The following OR1F1 variants were observed in gnomAD, a reference collection of about 807,000 sequenced individuals.
The protein encoded by OR1F1 is olfactory receptor 1F1.
For missense variants in OR1F1, 493 were observed against 376.3 expected, an observed-to-expected ratio of 1.31 and a Z score of -2.57; for synonymous variants, 184 against 156.7, an observed-to-expected ratio of 1.17 and a Z score of -1.30.
chr16:3,202,660 A>AAATAATAATAATAAT, upstream of OR1F1, among the ~76,000 whole-genome samples: 1 of 141,834 alleles, frequency 7.1e-6, no homozygotes, highest in Non-Finnish European at 1.5e-5. Flanking sequence ...TTCCATCTCA[A>AAATAATAATAATAAT]AATAATAATA....
chr16:3,202,225 G>A (rs1270411196), upstream of OR1F1, among the ~76,000 whole-genome samples: 2 of 152,330 alleles, frequency 1.3e-5, no homozygotes, highest in Admixed American at 1.3e-4. Flanking sequence ...TGAATTTGGA[G>A]CCACTGTTGG....
At chr16:3,199,902 G>A (rs1317343613), upstream of OR1F1, among the ~76,000 whole-genome samples, 3 of 151,694 alleles carry the variant, frequency 2.0e-5, no homozygotes, top group East Asian at 5.9e-4. Flanking sequence ...GGCAATCCCA[G>A]CTACTCGGGA....
At chr16:3,205,212 C>T (rs1394515660), downstream of OR1F1, 8 of 1,525,184 alleles carry the variant, frequency 5.2e-6, no homozygotes, top group Non-Finnish European at 7.2e-6. Flanking sequence ...GAATCTCATT[C>T]CCAAGGAAAT....
the OR1F1 span, among the ~76,000 whole-genome samples, chr16:3,192,043 C>CT: frequency 2.0e-5 from 3 of 152,210 alleles, no homozygotes; most frequent in East Asian, 5.8e-4. Flanking sequence ...GTCCCGGGTT[C>CT]AAATCCCGGA....
At chr16:3,196,223 G>A in the OR1F1 span, among the ~76,000 whole-genome samples, 2 of 152,212 alleles carry the variant, frequency 1.3e-5, no homozygotes, top group Non-Finnish European at 2.9e-5. Context: ...CCTGTGTTGA[G>A]CACATGTTTC....
upstream of OR1F1, among the ~76,000 whole-genome samples, chr16:3,199,710 A>G (rs1958114258): frequency 6.6e-6 from 1 of 152,182 alleles, no homozygotes; most frequent in Admixed American, 6.5e-5. Flanking sequence ...TTGCAAAAGA[A>G]AAAGGATATT....
the OR1F1 span, among the ~76,000 whole-genome samples, chr16:3,195,818 T>G: frequency 1.3e-5 from 2 of 152,280 alleles, no homozygotes; most frequent in East Asian, 3.9e-4. Context: ...CAATACATAT[T>G]TGAGAGCATG....
chr16:3,201,714 G>A (rs1253034494), upstream of OR1F1, among the ~76,000 whole-genome samples: 1 of 152,116 alleles, frequency 6.6e-6, no homozygotes, highest in Non-Finnish European at 1.5e-5. Context: ...AGTTGAGGTA[G>A]GAAGCAGGGC....
At chr16:3,205,051 G>C (rs771791553) in exon 1 of OR1F1, 12 of 1,613,944 alleles carry the variant, frequency 7.4e-6, no homozygotes, top group African/African-American at 1.3e-5. Context: ...CCACTCAGCT[G>C]AGAAAGACAC....
the OR1F1 span, among the ~76,000 whole-genome samples, chr16:3,190,191 C>T: frequency 6.6e-6 from 1 of 152,158 alleles, no homozygotes; most frequent in African/African-American, 2.4e-5. Context: ...CCAGAGACCT[C>T]TCCCTCCCCA....
exon 1 of OR1F1, chr16:3,205,151 A>G: frequency 6.2e-7 from 1 of 1,612,008 alleles, no homozygotes. Flanking sequence ...GGGGCTCTGA[A>G]AAAAGTAGTT....
the OR1F1 span, among the ~76,000 whole-genome samples, chr16:3,197,011 G>C: frequency 6.6e-6 from 1 of 152,068 alleles, no homozygotes; most frequent in African/African-American, 2.4e-5. Context: ...CAAGTAGCTG[G>C]GATTACAGGA....
upstream of OR1F1, among the ~76,000 whole-genome samples, chr16:3,201,727 G>A (rs754885719): frequency 5.3e-5 from 8 of 152,190 alleles, no homozygotes; most frequent in South Asian, 4.1e-4. Flanking sequence ...AGCAGGGCTC[G>A]GACACTGGAC....
exon 1 of OR1F1, chr16:3,204,626 G>A (rs1958179941): frequency 1.2e-6 from 2 of 1,614,112 alleles, no homozygotes; most frequent in South Asian, 2.2e-5. Flanking sequence ...GTCGCCGTGT[G>A]CCACCCCTTA....
At chr16:3,195,855 C>T in the OR1F1 span, among the ~76,000 whole-genome samples, 3 of 152,262 alleles carry the variant, frequency 2.0e-5, no homozygotes, top group South Asian at 6.2e-4. Flanking sequence ...AATGTGGCCC[C>T]CAGTACATCT....
At chr16:3,190,893 A>G in the OR1F1 span, among the ~76,000 whole-genome samples, 45 of 152,348 alleles carry the variant, frequency 3.0e-4, no homozygotes, top group African/African-American at 1.1e-3. Flanking sequence ...GAAAGGCAAT[A>G]AAGAAAATAT....
chr16:3,190,839 T>C, the OR1F1 span, among the ~76,000 whole-genome samples: 1,280 of 152,040 alleles, frequency 8.4e-3, 25 homozygotes, highest in African/African-American at 0.03. Flanking sequence ...TGCAAACATT[T>C]TGGATGCAGA....
At chr16:3,205,587 G>A (rs1567207690), downstream of OR1F1, among the ~76,000 whole-genome samples, 1 of 152,028 alleles carries the variant, frequency 6.6e-6, no homozygotes, top group Non-Finnish European at 1.5e-5. Flanking sequence ...AGCTGTGTCA[G>A]AGGAACATAA....
chr16:3,191,575 C>G, the OR1F1 span, among the ~76,000 whole-genome samples: 1 of 150,990 alleles, frequency 6.6e-6, no homozygotes, highest in African/African-American at 2.4e-5. Context: ...CGTTGGGCGA[C>G]TTGTTTTCTT....
Sources: gnomAD v4.1 joint callset for allele counts (sites outside exome capture counted in the v4.1 genomes callset) on GRCh38, gnomAD v4.1.1 for gene constraint, MANE v1.5 for transcripts, NCBI Gene and HGNC (gene_info 2026-07-23, HGNC 2026-07-21) for gene names.